The following BRD8 variants were observed in gnomAD, a reference collection of about 807,000 sequenced individuals.
BRD8 encodes bromodomain containing 8, also known as bromodomain-containing protein 8.
In BRD8, 67 loss-of-function variants were observed where a neutral mutation model predicts 143.1. That is an observed-to-expected ratio of 0.47 (90% CI 0.38 to 0.57). The LOEUF (loss-of-function observed/expected upper bound fraction) is 0.57. BRD8 is among the 20% of genes least tolerant of loss of function. BRD8 has a pLI of 0.00. For missense variants in BRD8, 1,103 were observed against 1,503.0 expected (o/e 0.73, Z 4.40); for synonymous variants, 505 against 517.1 (o/e 0.98, Z 0.32).
chr5:138,169,136 A>G, intron 8 of BRD8, 86 bp downstream of exon 8: 1 of 1,456,182 alleles, frequency 6.9e-7, no homozygotes, highest in Non-Finnish European at 9.2e-7. Flanking sequence ...AGTTGCCTCT[A>G]GGCCAAAAGT....
chr5:138,149,313 C>T (rs2032005733), intron 23 of BRD8, among the ~76,000 whole-genome samples: 3 of 151,954 alleles, frequency 2.0e-5, no homozygotes, highest in African/African-American at 7.2e-5. Flanking sequence ...GAGGCATGGT[C>T]TCCCTATGTT....
At chr5:138,165,701 G>T in intron 11 of BRD8, 127 bp downstream of exon 11, 2 of 1,093,866 alleles carry the variant, frequency 1.8e-6, no homozygotes, top group Non-Finnish European at 2.5e-6. Context: ...ACTTCAGCCT[G>T]GATGAAAGAG....
rs548775793 is a variant in BRD8 at position 138,164,407 on chromosome 5, G to A, written c.1738C>T (p.Pro580Ser). ...TGTGATGGAGACAACATGCTTTCAGGGGATGCCTGAAAACCAGAAAAGAAA... is the reference window on the plus strand; with the variant it reads ...TGTGATGGAGACAACATGCTTTCAGAGGATGCCTGAAAACCAGAAAAGAAA... Reference protein sequence around the residue: ...PLTNVKTEASPESMLSPSHGS... With the variant: ...PLTNVKTEASSESMLSPSHGS... The change falls in exon 13 of 27, where the codon CCT becomes TCT. Residue 580 changes from proline to serine, a missense_variant. Coordinates refer to ENST00000254900, the MANE Select transcript of BRD8 (RefSeq NM_139199.2). The A allele has an allele frequency of 1.2e-6, 2 of 1,613,988 alleles. No homozygotes were observed. Among genetic ancestry groups the A allele is most frequent in the Admixed American group, 3.3e-5 (2 of 59,978 alleles).
chr5:138,151,651 GTA>G (rs201269540), intron 21 of BRD8, among the ~76,000 whole-genome samples: 1 of 135,830 alleles, frequency 7.4e-6, no homozygotes, highest in South Asian at 2.7e-4. Context: ...CAAAAAGCAT[GTA>G]TTTTTTTATT....
At chr5:138,143,041 T>G (rs181340284) in intron 25 of BRD8, among the ~76,000 whole-genome samples, 31 of 152,234 alleles carry the variant, frequency 2.0e-4, no homozygotes, top group African/African-American at 7.2e-4. Context: ...TCCCAGCACT[T>G]TGGGAGGCTG....
chr5:138,175,864 C>T (rs1754283362), intron 2 of BRD8, among the ~76,000 whole-genome samples: 1 of 130,460 alleles, frequency 7.7e-6, no homozygotes, highest in East Asian at 2.3e-4. Flanking sequence ...CAGTGAACCA[C>T]GATCGCACTA....
At chr5:138,177,397 C>T (rs1266415440) in intron 2 of BRD8, 174 bp downstream of exon 2, 16 of 469,252 alleles carry the variant, frequency 3.4e-5, no homozygotes, top group Admixed American at 1.7e-4. Context: ...TGGGCGTGTC[C>T]GCACCACTGC....
At chr5:138,177,086 CAA>C (rs36005969) in intron 2 of BRD8, 3,336 of 121,660 alleles carry the variant, frequency 0.027, 80 homozygotes, top group African/African-American at 0.079. Flanking sequence ...AATCTTGTCT[CAA>C]AAAAAAAAAA....
At chr5:138,165,583 AGGCGTGGT>A (rs1753336916) in intron 11 of BRD8, among the ~76,000 whole-genome samples, 2 of 152,060 alleles carry the variant, frequency 1.3e-5, no homozygotes. Flanking sequence ...AAAATTAGTG[AGGCGTGGT>A]GGCATGTGCC....
intron 2 of BRD8, among the ~76,000 whole-genome samples, chr5:138,176,930 TAAAAA>T (rs756789723): frequency 2.0e-3 from 298 of 149,904 alleles, no homozygotes; most frequent in South Asian, 4.0e-3. Context: ...TACAAAAAAA[TAAAAA>T]AAATTAGCTG....
At chr5:138,162,734 C>T (rs181346932) in intron 15 of BRD8, among the ~76,000 whole-genome samples, 6 of 151,818 alleles carry the variant, frequency 4.0e-5, no homozygotes, top group African/African-American at 9.7e-5. Context: ...TGGTGTCTCA[C>T]GCCTGTAATC....
rs577335626 is a variant in BRD8, at chr5:138,149,657, A to G, written c.3261T>C (p.His1087=). The G allele has an allele frequency of 6.2e-7, 1 of 1,608,076 alleles. No individual in the cohort carries two copies. Among genetic ancestry groups the G allele is most frequent in the South Asian group, 1.1e-5 (1 of 89,666 alleles). ...ACGCTTACAGCTTTGAGGAGGTAGC[A>G]TGGCTGAAAAGTGTATCCACCAAGG... ...ETPLVDTLFS[H]ATSSKLTDLS... is the part of the protein sequence containing the mutation. Residue 1087 remains histidine, a synonymous_variant, in exon 23 of 27, where the codon CAT becomes CAC. Coordinates refer to ENST00000254900, the MANE Select transcript of BRD8 (RefSeq NM_139199.2).
At chr5:138,155,091 A>G (rs1418417987) in intron 20 of BRD8, among the ~76,000 whole-genome samples, 2 of 151,996 alleles carry the variant, frequency 1.3e-5, no homozygotes, top group African/African-American at 4.8e-5. Flanking sequence ...TTGGCCTCCC[A>G]AAGTGCTGGG....
At chr5:138,153,868 G>T (rs886953319) in intron 20 of BRD8, among the ~76,000 whole-genome samples, 2 of 151,700 alleles carry the variant, frequency 1.3e-5, no homozygotes, top group South Asian at 2.1e-4. Context: ...TAGAGACGGG[G>T]TTTCACCATG....
At chr5:138,163,703 C>G in intron 14 of BRD8, 1 of 1,169,372 alleles carries the variant, frequency 8.6e-7, no homozygotes, top group East Asian at 4.3e-5. Flanking sequence ...GGAGCAAGCT[C>G]ACATCACATT....
At chr5:138,170,699 C>T in intron 6 of BRD8, 133 bp downstream of exon 6, 1 of 867,240 alleles carries the variant, frequency 1.2e-6, no homozygotes. Flanking sequence ...CACCAAACCA[C>T]TTTGCAGCTT....
chr5:138,164,055 TG>T, intron 14 of BRD8, 31 bp downstream of exon 14: 1 of 1,603,596 alleles, frequency 6.2e-7, no homozygotes, highest in Non-Finnish European at 8.5e-7. Flanking sequence ...TCTAATCACA[TG>T]GCAAGAGGAA....
Position 138,170,852 on chromosome 5 carries a change from C to A in BRD8, c.420G>T (p.Glu140Asp). The A allele has an allele frequency of 6.2e-7, 1 of 1,614,134 alleles. No individual in the cohort carries two copies. The highest frequency in any genetic ancestry group is 8.5e-7 in the Non-Finnish European group (1 of 1,179,992). The change falls in exon 6 of 27, where the codon GAG (glutamate) becomes GAT (aspartate). Residue 140 changes from glutamate (E) to aspartate (D), a missense_variant. This residue lies in a region of BRD8 where 334 missense variants were observed against 372.5 expected (regional missense o/e 0.90). Coordinates refer to ENST00000254900, the MANE Select transcript of BRD8 (RefSeq NM_139199.2). ...QAGHMDSRLD[E>D]LCNDIATKKK... Reference sequence around the variant, plus strand: ...CCCACGTTGCAATGTCATTGCAAAGCTCATCCAGTCTGCTGTCCATGTGTC... The same window carrying A: ...CCCACGTTGCAATGTCATTGCAAAGATCATCCAGTCTGCTGTCCATGTGTC...
intron 15 of BRD8, among the ~76,000 whole-genome samples, 189 bp from the exon 16 acceptor site, chr5:138,162,335 T>A (rs907356522): frequency 6.6e-6 from 1 of 152,052 alleles, no homozygotes; most frequent in African/African-American, 2.4e-5. Flanking sequence ...GCTGGGACTA[T>A]AGGTGCATAC....
Sources: gnomAD v4.1 joint callset for allele counts (sites outside exome capture counted in the v4.1 genomes callset) on GRCh38, gnomAD v4.1.1 for gene constraint, gnomAD v4.1.1 regional missense constraint, MANE v1.5 for transcripts, NCBI Gene and HGNC (gene_info 2026-07-23, HGNC 2026-07-21) for gene names.